Variants in HECTD4 observed in about 807,000 individuals in gnomAD.
The protein encoded by HECTD4 is HECT domain E3 ubiquitin protein ligase 4, also known as probable E3 ubiquitin-protein ligase HECTD4.
In HECTD4, 114 loss-of-function variants were observed where a neutral mutation model predicts 471.5. The ratio of observed to expected loss-of-function variants is 0.24; its 90% CI spans 0.21 to 0.28. The LOEUF is 0.28. HECTD4 is among the 10% of genes least tolerant of loss of function. The probability of loss-of-function intolerance (pLI) is 1.00; values close to 1 mark genes in which losing one functional copy is unlikely to be tolerated. For synonymous variants in HECTD4, 2,012 were observed against 2,256.0 expected, an observed-to-expected ratio of 0.89 and a Z score of 3.07; for missense variants, 3,866 against 5,651.5, an observed-to-expected ratio of 0.68 and a Z score of 10.13.
chr12:112,208,811 C>T (rs557583881), intron 50 of HECTD4, among the ~76,000 whole-genome samples, 181 bp from the exon 51 acceptor site: 1 of 150,484 alleles, frequency 6.6e-6, no homozygotes, highest in East Asian at 2.0e-4. Context: ...ACCCTGAATC[C>T]TAAAATAGTT....
intron 9 of HECTD4, among the ~76,000 whole-genome samples, chr12:112,275,759 G>A (rs965159822): frequency 5.9e-5 from 9 of 151,816 alleles, no homozygotes; most frequent in African/African-American, 1.5e-4. Flanking sequence ...GATCCGCATC[G>A]TGCCTAACTT....
At chr12:112,196,186 G>A (rs554803380) in intron 55 of HECTD4, among the ~76,000 whole-genome samples, 1 of 152,252 alleles carries the variant, frequency 6.6e-6, no homozygotes, top group East Asian at 1.9e-4. Context: ...ACCCACGGGG[G>A]TCATTTGATA....
intron 70 of HECTD4, 122 bp downstream of exon 70, chr12:112,169,381 T>G: frequency 8.8e-7 from 1 of 1,140,370 alleles, no homozygotes; most frequent in Admixed American, 2.7e-5. Flanking sequence ...ACCTGGCTTC[T>G]GCAGCACAAG....
chr12:112,376,851 G>T (rs146868131), intron 1 of HECTD4, among the ~76,000 whole-genome samples: 1 of 152,110 alleles, frequency 6.6e-6, no homozygotes, highest in Non-Finnish European at 1.5e-5. Flanking sequence ...AGTGGCTGAC[G>T]CCTGTAATCC....
intron 44 of HECTD4, among the ~76,000 whole-genome samples, chr12:112,221,992 C>T (rs1472485304): frequency 2.0e-5 from 3 of 150,188 alleles, no homozygotes; most frequent in Admixed American, 6.6e-5. Context: ...GGTGTGATCT[C>T]GGCTCACTGC....
intron 60 of HECTD4, among the ~76,000 whole-genome samples, chr12:112,189,999 C>A (rs2032025426): frequency 6.6e-6 from 1 of 152,200 alleles, no homozygotes; most frequent in South Asian, 2.1e-4. Flanking sequence ...GGTGATCAAC[C>A]CGCCTTGGCC....
At chr12:112,264,260 A>C (rs1463086011) in intron 16 of HECTD4, 48 bp from the exon 17 acceptor site, 14 of 1,433,322 alleles carry the variant, frequency 9.8e-6, no homozygotes, top group African/African-American at 1.4e-5. Context: ...CTACTGAAAG[A>C]GCGATCATGT....
intron 48 of HECTD4, among the ~76,000 whole-genome samples, chr12:112,214,912 G>T (rs1365976392): frequency 7.9e-5 from 12 of 152,154 alleles, no homozygotes; most frequent in African/African-American, 2.7e-4. Context: ...CCAGCACTTT[G>T]GGAGGCTTAG....
chr12:112,214,263 C>T (rs951901455), intron 48 of HECTD4, among the ~76,000 whole-genome samples: 6 of 152,158 alleles, frequency 3.9e-5, no homozygotes, highest in Non-Finnish European at 8.8e-5. Context: ...ACATCAGCTG[C>T]CTCAAGCAAG....
At chr12:112,203,832 CA>C in intron 53 of HECTD4, 60 bp from the exon 54 acceptor site, 2 of 1,088,748 alleles carry the variant, frequency 1.8e-6, no homozygotes, top group Non-Finnish European at 2.6e-6. Context: ...TGGGTTCTTA[CA>C]TTTAGCATCT....
At chr12:112,187,366 T>G (rs537234310) in intron 60 of HECTD4, among the ~76,000 whole-genome samples, 1 of 152,172 alleles carries the variant, frequency 6.6e-6, no homozygotes, top group Admixed American at 6.5e-5. Flanking sequence ...CGGCAACTAT[T>G]TTCTTTGAAT....
chr12:112,319,754 G>C lies in HECTD4; in HGVS notation c.178-12C>G. 8.0e-7 allele frequency: 1 copy of C among 1,246,220 alleles called. No individual in the cohort carries two copies. The highest frequency in any genetic ancestry group is 1.0e-6 in the Non-Finnish European group (1 of 995,576). The allele number at this position is 1,246,220 out of a possible 1,614,324, so 77.2% of individuals were successfully genotyped here. ...TCAAAGGTTAAAATCTAAGGAAAAA[G>C]ACGATGGAGAAGTGGGTAAATATTA... On this transcript the variant is annotated splice_polypyrimidine_tract_variant and intron_variant, in intron 1 of 75. Coordinates refer to ENST00000682272, the MANE Select transcript of HECTD4 (RefSeq NM_001388303.1). The surrounding 1 kb of genome is among the most constrained non-coding windows in gnomAD (Gnocchi z 5.3).
intron 48 of HECTD4, 27 bp from the exon 49 acceptor site, chr12:112,212,677 A>G (rs1327585844): frequency 1.3e-6 from 2 of 1,568,912 alleles, no homozygotes; most frequent in African/African-American, 1.4e-5. Flanking sequence ...GAAGGAAAAC[A>G]TATTTTCTCC....
chr12:112,206,470 A>T (rs779284240), intron 52 of HECTD4, among the ~76,000 whole-genome samples: 4 of 151,732 alleles, frequency 2.6e-5, no homozygotes, highest in Non-Finnish European at 4.4e-5. Flanking sequence ...ACTCCAGCCC[A>T]GTTAATATAG....
intron 27 of HECTD4, 129 bp from the exon 28 acceptor site, chr12:112,247,679 T>G: frequency 2.3e-6 from 1 of 443,724 alleles, no homozygotes; most frequent in Non-Finnish European, 4.0e-6. Context: ...TGAAACTCAT[T>G]TGTAAGTTAT....
intron 7 of HECTD4, chr12:112,302,274 G>T: frequency 1.1e-6 from 1 of 906,820 alleles, no homozygotes; most frequent in Non-Finnish European, 1.8e-6. Flanking sequence ...AGGGCAGGTG[G>T]TCTCTTAGTG....
intron 1 of HECTD4, among the ~76,000 whole-genome samples, chr12:112,332,818 A>C (rs997348882): frequency 3.3e-5 from 5 of 151,928 alleles, no homozygotes; most frequent in African/African-American, 1.2e-4. Context: ...CTGCAAAAAA[A>C]AAAAACAAAA....
intron 54 of HECTD4, chr12:112,203,375 T>G: frequency 3.0e-6 from 1 of 333,810 alleles, no homozygotes; most frequent in South Asian, 6.1e-5. Context: ...GGACAGAAAA[T>G]AATGGTAGAG....
chr12:112,175,509 A>G (rs936747888), intron 66 of HECTD4, among the ~76,000 whole-genome samples: 1 of 152,230 alleles, frequency 6.6e-6, no homozygotes, highest in Admixed American at 6.5e-5. Context: ...CGGCAGCCCA[A>G]GCTGACCAGC....
Sources: allele counts gnomAD v4.1 joint callset (sites outside exome capture counted in the v4.1 genomes callset), GRCh38; gene constraint gnomAD v4.1.1; non-coding constraint Gnocchi (gnomAD v3.1); transcripts MANE v1.5; gene names NCBI Gene and HGNC (gene_info 2026-07-23, HGNC 2026-07-21).